Variants in NEGR1 observed in about 807,000 individuals in gnomAD.
NEGR1 encodes the protein neuronal growth regulator 1, also known as IgLON family member 4.
A neutral mutation model predicts 40.9 loss-of-function variants in NEGR1; 10 were observed. The observed-to-expected ratio is 0.24, with a 90% CI of 0.15 to 0.42. The LOEUF is 0.42. NEGR1 is among the 10% of genes least tolerant of loss of function. The pLI, the probability that NEGR1 is intolerant of heterozygous loss-of-function variation, is 1.00. For synonymous variants in NEGR1, 185 were observed against 166.8 expected (o/e 1.11, Z -0.84); for missense variants, 352 against 438.9 (o/e 0.80, Z 1.77).
chr1:71,584,847 C>T (rs1323709194), intron 6 of NEGR1, among the ~76,000 whole-genome samples: 2 of 152,078 alleles, frequency 1.3e-5, no homozygotes, highest in Admixed American at 6.6e-5. Flanking sequence ...TTTACAAAGT[C>T]CTAATAGTCA....
intron 4 of NEGR1, among the ~76,000 whole-genome samples, chr1:71,669,459 C>G (rs1370125681): frequency 6.6e-6 from 1 of 151,800 alleles, no homozygotes; most frequent in Non-Finnish European, 1.5e-5. Flanking sequence ...TATTCTTTCT[C>G]AATAACTTTT....
At chr1:71,643,544 G>T (rs770561339) in intron 4 of NEGR1, among the ~76,000 whole-genome samples, 8 of 151,932 alleles carry the variant, frequency 5.3e-5, no homozygotes, top group Non-Finnish European at 7.4e-5. Flanking sequence ...GTGTTTCCAA[G>T]ACCCACTCTT....
intron 2 of NEGR1, among the ~76,000 whole-genome samples, chr1:71,786,630 A>G (rs917116456): frequency 1.3e-5 from 2 of 152,196 alleles, no homozygotes; most frequent in Non-Finnish European, 2.9e-5. Flanking sequence ...GCAAAGTTCT[A>G]CATGTCCAGG....
chr1:72,248,337 A>C (rs1654967702), intron 1 of NEGR1, among the ~76,000 whole-genome samples: 1 of 152,066 alleles, frequency 6.6e-6, no homozygotes, highest in Non-Finnish European at 1.5e-5. Context: ...AGCACACTGC[A>C]ACCTCCGCCT....
At chr1:72,195,528 A>T (rs1302058997) in intron 1 of NEGR1, among the ~76,000 whole-genome samples, 1 of 152,030 alleles carries the variant, frequency 6.6e-6, no homozygotes, top group Non-Finnish European at 1.5e-5. Context: ...TGACAATGAT[A>T]CACCAAGATT....
intron 2 of NEGR1, among the ~76,000 whole-genome samples, chr1:71,808,823 G>A (rs1292379666): frequency 6.6e-6 from 1 of 152,064 alleles, no homozygotes; most frequent in African/African-American, 2.4e-5. Context: ...TCCTCTTAGA[G>A]TAAACTATCT....
At chr1:71,646,988 T>C (rs547882701) in intron 4 of NEGR1, among the ~76,000 whole-genome samples, 1 of 151,884 alleles carries the variant, frequency 6.6e-6, no homozygotes, top group Non-Finnish European at 1.5e-5. Context: ...TATCTCACCT[T>C]AGGTAAAAAT....
chr1:71,938,490 T>C (rs917536835), intron 1 of NEGR1, among the ~76,000 whole-genome samples: 4 of 151,082 alleles, frequency 2.6e-5, no homozygotes, highest in Non-Finnish European at 5.9e-5. Context: ...TACCTCCTTT[T>C]CATTCTCCAT....
intron 1 of NEGR1, among the ~76,000 whole-genome samples, chr1:72,163,213 A>G (rs1198716453): frequency 6.6e-6 from 1 of 152,164 alleles, no homozygotes; most frequent in Non-Finnish European, 1.5e-5. Flanking sequence ...TTTCCAGATT[A>G]CATTTCTTTT....
chr1:71,436,171 T>C (rs141477387), intron 6 of NEGR1, among the ~76,000 whole-genome samples: 1 of 151,498 alleles, frequency 6.6e-6, no homozygotes, highest in Non-Finnish European at 1.5e-5. Flanking sequence ...TGTACATGAA[T>C]TCACAGGACT....
At chr1:71,610,051 G>A (rs906159433) in intron 5 of NEGR1, among the ~76,000 whole-genome samples, 1 of 152,164 alleles carries the variant, frequency 6.6e-6, no homozygotes, top group Non-Finnish European at 1.5e-5. Flanking sequence ...AGTTTCCTGT[G>A]ACCTCCCCAG....
chr1:71,529,182 C>G (rs1462388998), intron 6 of NEGR1, among the ~76,000 whole-genome samples: 1 of 151,132 alleles, frequency 6.6e-6, no homozygotes, highest in East Asian at 1.9e-4. Flanking sequence ...GTGCATTAAA[C>G]AAATATTTAA....
At chr1:71,768,032 TATCCAGGC>T (rs1336718668) in intron 3 of NEGR1, among the ~76,000 whole-genome samples, 1 of 152,212 alleles carries the variant, frequency 6.6e-6, no homozygotes, top group Non-Finnish European at 1.5e-5. Context: ...AAAGCCTGGA[TATCCAGGC>T]ATCCAGGCAG....
At chr1:72,143,418 G>T (rs1211873241) in intron 1 of NEGR1, among the ~76,000 whole-genome samples, 2 of 151,848 alleles carry the variant, frequency 1.3e-5, no homozygotes, top group Non-Finnish European at 2.9e-5. Context: ...GAATGAGAGA[G>T]TGAGGAGAGG....
chr1:71,480,533 G>T (rs1016681297), intron 6 of NEGR1, among the ~76,000 whole-genome samples: 2 of 151,832 alleles, frequency 1.3e-5, no homozygotes, highest in Non-Finnish European at 2.9e-5. Context: ...TGAGGGCATG[G>T]ATCTTTGTAC....
Position 71,580,640 on chromosome 1 carries a change from G to T in NEGR1, c.940+12177C>A, listed in dbSNP as rs999431029. Among the ~76,000 whole-genome samples, 6 of 151,936 alleles carry T rather than the reference G, an allele frequency of 3.9e-5. No individual in the cohort carries two copies. The East Asian group carries it at 7.7e-4, about 20-fold the overall frequency. On this transcript the variant is annotated intron_variant, in intron 6 of 6. Transcript: ENST00000357731. ...AAGTGAAGAAAATTATAGAAATAAT[G>T]GGGGGAGGGCACTGAAGTTATATAA...
chr1:72,015,129 A>C (rs1484966507), intron 1 of NEGR1, among the ~76,000 whole-genome samples: 2 of 152,100 alleles, frequency 1.3e-5, no homozygotes, highest in African/African-American at 4.8e-5. Context: ...GAGTTAAACT[A>C]GAAAATACAA....
At chr1:72,155,323 T>C (rs1396813066) in intron 1 of NEGR1, among the ~76,000 whole-genome samples, 1 of 152,060 alleles carries the variant, frequency 6.6e-6, no homozygotes, top group African/African-American at 2.4e-5. Flanking sequence ...CCATCCTTCA[T>C]AATATGTCCA....
At chr1:71,586,177 A>G (rs1057345260) in intron 6 of NEGR1, among the ~76,000 whole-genome samples, 3 of 152,248 alleles carry the variant, frequency 2.0e-5, no homozygotes, top group Non-Finnish European at 1.5e-5. Context: ...CACTGGAACA[A>G]GGGTAGTAAA....
Sources: allele counts gnomAD v4.1 joint callset (sites outside exome capture counted in the v4.1 genomes callset), GRCh38; gene constraint gnomAD v4.1.1; transcripts MANE v1.5; gene names NCBI Gene and HGNC (gene_info 2026-07-23, HGNC 2026-07-21).